The following RORA variants were observed in gnomAD, a reference collection of about 807,000 sequenced individuals.
RORA encodes the protein nuclear receptor ROR-alpha.
RORA carries 7 observed loss-of-function variants against 69.5 expected under a neutral mutation model. That is an observed-to-expected ratio of 0.10 (90% confidence interval 0.06 to 0.19). The LOEUF is 0.19. RORA is among the 10% of genes least tolerant of loss of function. The pLI is 1.00. For synonymous variants in RORA, 261 were observed against 240.8 expected, an observed-to-expected ratio of 1.08 and a Z score of -0.78; for missense variants, 457 against 663.0, an observed-to-expected ratio of 0.69 and a Z score of 3.41.
chr15:60,925,582 T>C (rs962420601), intron 1 of RORA, among the ~76,000 whole-genome samples: 1 of 152,216 alleles, frequency 6.6e-6, no homozygotes, highest in African/African-American at 2.4e-5. Context: ...GGGGCTGTCA[T>C]GGAGCTTTGG....
intron 1 of RORA, among the ~76,000 whole-genome samples, chr15:60,701,530 G>C (rs1270433551): frequency 6.6e-6 from 1 of 152,196 alleles, no homozygotes; most frequent in East Asian, 1.9e-4. Context: ...TACTGCCTCT[G>C]CTCTCCCCTG....
At chr15:60,497,877 G>A (rs1272783128) in intron 10 of RORA, among the ~76,000 whole-genome samples, 11 of 151,920 alleles carry the variant, frequency 7.2e-5, no homozygotes, top group South Asian at 2.1e-4. Flanking sequence ...TGGGAAACAC[G>A]GTGAAACCCT....
rs539939845 is a variant in RORA, at chr15:60,593,848, G to A, written c.197-61997C>T. Among the ~76,000 whole-genome samples, 444 of 151,954 alleles carry A rather than the reference G, an allele frequency of 2.9e-3. 3 individuals carry two copies. The highest frequency in any genetic ancestry group is 0.01 in the African/African-American group (427 of 41,506). ...CATATTTTTTTCTCCATGTAAGTGAGTTGCTCTTGCCCCTGAGTTGGGCCA... is the reference window on the plus strand; with the variant it reads ...CATATTTTTTTCTCCATGTAAGTGAATTGCTCTTGCCCCTGAGTTGGGCCA... On this transcript the variant is annotated intron_variant, in intron 2 of 10. Coordinates refer to ENST00000335670, the MANE Select transcript of RORA (RefSeq NM_134261.3).
At chr15:60,901,255 A>AATCC (rs1266527598) in intron 1 of RORA, among the ~76,000 whole-genome samples, 1 of 151,670 alleles carries the variant, frequency 6.6e-6, no homozygotes. Flanking sequence ...CACTGCAACC[A>AATCC]CTCCCTCCTG....
intron 1 of RORA, among the ~76,000 whole-genome samples, chr15:60,869,565 C>T (rs1043310131): frequency 6.6e-6 from 1 of 152,174 alleles, no homozygotes; most frequent in Non-Finnish European, 1.5e-5. Flanking sequence ...CAGGAGATTG[C>T]CAGTGGGCAG....
At position 60,515,969 on chromosome 15, in the gene RORA, A is replaced by T. The variant is rs1241276478; in HGVS notation, c.283-1212T>A. 1.9e-3 allele frequency among the ~76,000 whole-genome samples: 40 copies of T among 21,496 alleles called. 3 individuals carry two copies. Among genetic ancestry groups the T allele is most frequent in the South Asian group, 5.5e-3 (3 of 548 alleles). 14.1% of individuals were successfully genotyped at this position (21,496 alleles called of 152,430 possible). A position where few individuals can be genotyped will look rare whatever the true frequency, so the allele number is the denominator to read the frequency against. On this transcript the variant is annotated intron_variant, in intron 3 of 10. Transcript: ENST00000335670. ...TATATTTATATATTTATATTTATAT[A>T]TATTTATATATTTATATATATTTAT...
At chr15:60,892,761 A>T (rs2073825482) in intron 1 of RORA, among the ~76,000 whole-genome samples, 1 of 152,200 alleles carries the variant, frequency 6.6e-6, no homozygotes, top group African/African-American at 2.4e-5. Context: ...CTCTTTCCCT[A>T]TCTTACTGTG....
chr15:60,527,452 A>G (rs570141257), intron 3 of RORA, among the ~76,000 whole-genome samples: 4 of 152,330 alleles, frequency 2.6e-5, no homozygotes, highest in East Asian at 3.9e-4. Context: ...TAGTGTTACC[A>G]TGGCCTTTTC....
chr15:60,921,924 A>G (rs1462042016), intron 1 of RORA, among the ~76,000 whole-genome samples: 1 of 152,174 alleles, frequency 6.6e-6, no homozygotes. Flanking sequence ...GATGGACAAT[A>G]TTGAATATAC....
chr15:61,137,085 A>AAGAAAGAG (rs2079251575), intron 1 of RORA, among the ~76,000 whole-genome samples: 2 of 150,184 alleles, frequency 1.3e-5, no homozygotes, highest in Admixed American at 1.3e-4. Context: ...GAAAGAAAGA[A>AAGAAAGAG]AGAAAGAAAG....
chr15:60,984,187 C>T (rs1468522891), intron 1 of RORA, among the ~76,000 whole-genome samples: 1 of 152,024 alleles, frequency 6.6e-6, no homozygotes, highest in South Asian at 2.1e-4. Flanking sequence ...TATAGCACCC[C>T]GATTGAGTAA....
intron 1 of RORA, among the ~76,000 whole-genome samples, chr15:61,184,971 C>T (rs370286505): frequency 6.4e-5 from 9 of 139,664 alleles, no homozygotes; most frequent in East Asian, 4.2e-4. Context: ...GGCAAAGGAG[C>T]GAGACCCTGT....
chr15:60,867,377 A>T (rs1383281292), intron 1 of RORA, among the ~76,000 whole-genome samples: 1 of 152,166 alleles, frequency 6.6e-6, no homozygotes, highest in Non-Finnish European at 1.5e-5. Context: ...GTGGGATCTG[A>T]TGCTATTTCC....
intron 1 of RORA, among the ~76,000 whole-genome samples, chr15:60,744,157 T>C (rs755336902): frequency 6.6e-6 from 1 of 151,062 alleles, no homozygotes; most frequent in Non-Finnish European, 1.5e-5. Context: ...TTTGAGGAGA[T>C]AGATAGATAA....
intron 1 of RORA, among the ~76,000 whole-genome samples, chr15:61,170,161 A>G (rs897869071): frequency 6.6e-6 from 1 of 152,200 alleles, no homozygotes; most frequent in Non-Finnish European, 1.5e-5. Flanking sequence ...GCAGTGATCA[A>G]TTACCATAAA....
intron 1 of RORA, among the ~76,000 whole-genome samples, chr15:60,855,406 T>C (rs374110893): frequency 5.9e-5 from 9 of 152,172 alleles, no homozygotes; most frequent in African/African-American, 1.9e-4. Context: ...CAGAGCCATG[T>C]TGAGGAGACA....
At chr15:60,542,846 C>T (rs2066937090) in intron 2 of RORA, among the ~76,000 whole-genome samples, 1 of 151,370 alleles carries the variant, frequency 6.6e-6, no homozygotes, top group Non-Finnish European at 1.5e-5. Flanking sequence ...CACACACACG[C>T]ACCCACCCCA....
At chr15:60,834,947 A>G (rs552751066) in intron 1 of RORA, among the ~76,000 whole-genome samples, 61 of 151,996 alleles carry the variant, frequency 4.0e-4, no homozygotes, top group African/African-American at 1.4e-3. Flanking sequence ...TCAGAATAGG[A>G]GTCGACAAGC....
chr15:61,112,094 C>G (rs2079011532), intron 1 of RORA, among the ~76,000 whole-genome samples: 1 of 152,090 alleles, frequency 6.6e-6, no homozygotes, highest in African/African-American at 2.4e-5. Context: ...GAACTGCTGC[C>G]GGTCCTCAAA....
Sources: allele counts gnomAD v4.1 joint callset (sites outside exome capture counted in the v4.1 genomes callset), GRCh38; gene constraint gnomAD v4.1.1; transcripts MANE v1.5; gene names NCBI Gene and HGNC (gene_info 2026-07-23, HGNC 2026-07-21).